PKN2: variants seen among roughly 807,000 people sequenced by gnomAD.
PKN2 encodes the protein serine/threonine-protein kinase N2.
Under a neutral mutation model 119.1 loss-of-function variants are expected in PKN2, and 38 were observed. The ratio of observed to expected loss-of-function variants is 0.32; its 90% CI spans 0.25 to 0.42. PKN2 has a LOEUF of 0.42. Ranked by LOEUF, PKN2 falls within the 10% of genes least tolerant of loss-of-function variation. PKN2 has a pLI of 1.00. For missense variants in PKN2, 850 were observed against 1,165.1 expected, an observed-to-expected ratio of 0.73 and a Z score of 3.94; for synonymous variants, 390 against 384.9, an observed-to-expected ratio of 1.01 and a Z score of -0.15.
At chr1:88,739,928 C>T (rs1232865043) in intron 1 of PKN2, among the ~76,000 whole-genome samples, 2 of 151,884 alleles carry the variant, frequency 1.3e-5, no homozygotes, top group East Asian at 1.9e-4. Flanking sequence ...AGTACTTAGC[C>T]TTGAAGTATA....
chr1:88,815,800 G>A (rs908366151), intron 16 of PKN2, among the ~76,000 whole-genome samples: 1 of 152,214 alleles, frequency 6.6e-6, no homozygotes, highest in Non-Finnish European at 1.5e-5. Flanking sequence ...AATAAAATAT[G>A]TATTTTAGAT....
intron 1 of PKN2, among the ~76,000 whole-genome samples, chr1:88,696,817 A>G (rs778173983): frequency 2.6e-5 from 4 of 152,128 alleles, no homozygotes; most frequent in South Asian, 2.1e-4. Flanking sequence ...AGAATAAAAT[A>G]TATTTATACT....
At chr1:88,701,949 T>C (rs1405708453) in intron 1 of PKN2, among the ~76,000 whole-genome samples, 1 of 151,960 alleles carries the variant, frequency 6.6e-6, no homozygotes. Context: ...GGAGTGGTCA[T>C]TTGTTTTGTT....
At chr1:88,730,288 G>A (rs1416068366) in intron 1 of PKN2, among the ~76,000 whole-genome samples, 1 of 152,078 alleles carries the variant, frequency 6.6e-6, no homozygotes, top group South Asian at 2.1e-4. Flanking sequence ...TAGGGCTTGT[G>A]TAGCAGTTCA....
intron 15 of PKN2, among the ~76,000 whole-genome samples, chr1:88,812,838 A>G (rs1671833060): frequency 1.3e-5 from 2 of 152,224 alleles, no homozygotes; most frequent in Admixed American, 1.3e-4. Context: ...TATTTTATCT[A>G]CATTTAGCCA....
At chr1:88,792,784 A>G (rs1221426274) in intron 8 of PKN2, among the ~76,000 whole-genome samples, 1 of 152,154 alleles carries the variant, frequency 6.6e-6, no homozygotes, top group East Asian at 1.9e-4. Flanking sequence ...AAACCTCAAT[A>G]TATAGGATAC....
Position 88,699,814 on chromosome 1 carries a change from G to A in PKN2, c.48+15186G>A, listed in dbSNP as rs528511439. ...TTTTTTATTTTTGAGATGGAGTCTC[G>A]CTCTGTAGTCGAGGCTAGAATGCAG... On this transcript the variant is annotated intron_variant, in intron 1 of 21. Transcript: ENST00000370521. Among the ~76,000 whole-genome samples the A allele has an allele frequency of 1.3e-4, 20 of 150,504 alleles. No individual in the cohort carries two copies. The East Asian group carries it at 2.9e-3, about 22-fold the overall frequency.
At chr1:88,819,265 C>T (rs1672145020) in intron 16 of PKN2, among the ~76,000 whole-genome samples, 1 of 152,016 alleles carries the variant, frequency 6.6e-6, no homozygotes, top group Non-Finnish European at 1.5e-5. Flanking sequence ...AAGATTTTTG[C>T]AATCTGTCCA....
chr1:88,742,712 AT>A (rs537311292), intron 2 of PKN2, among the ~76,000 whole-genome samples: 10,420 of 147,118 alleles, frequency 0.071, 745 homozygotes, highest in African/African-American at 0.19. Flanking sequence ...CAAACTCTAC[AT>A]TTTTTTTTTT....
At chr1:88,723,513 C>T (rs1667780473) in intron 1 of PKN2, among the ~76,000 whole-genome samples, 1 of 151,664 alleles carries the variant, frequency 6.6e-6, no homozygotes, top group Non-Finnish European at 1.5e-5. Context: ...CCTCACCATC[C>T]CAGGTTCAAG....
At chr1:88,750,517 T>C (rs1668944652) in intron 2 of PKN2, among the ~76,000 whole-genome samples, 1 of 152,176 alleles carries the variant, frequency 6.6e-6, no homozygotes, top group Non-Finnish European at 1.5e-5. Flanking sequence ...GGAAATCTTA[T>C]CCCTAAGGAA....
rs772485655 is a variant in PKN2 at position 88,811,523 on chromosome 1, TAGC to T, written c.2103-2031_2103-2029del. Among the ~76,000 whole-genome samples, 4 of 152,238 alleles carry T rather than the reference TAGC, an allele frequency of 2.6e-5. No homozygotes were observed. In the East Asian group the frequency reaches 7.7e-4, roughly 29 times the overall value. On this transcript the variant is annotated intron_variant, in intron 15 of 21. Coordinates refer to ENST00000370521, the MANE Select transcript of PKN2 (RefSeq NM_006256.4). ...AGGTTAAAATAAGCAATACAAACAATAGCAGTTCTTAGGAGGAAATCAGTGTAC... is the reference window on the plus strand; with the variant it reads ...AGGTTAAAATAAGCAATACAAACAATAGTTCTTAGGAGGAAATCAGTGTAC...
At chr1:88,815,351 T>TAA in intron 16 of PKN2, 1 of 246,820 alleles carries the variant, frequency 4.1e-6, no homozygotes, top group Non-Finnish European at 7.9e-6. Flanking sequence ...TCAAAGGTCA[T>TAA]TTCTTTAAAG....
Position 88,771,563 on chromosome 1 carries a change from A to G in PKN2, c.765A>G (p.Ser255=). 1 of 1,582,812 alleles carries G rather than the reference A, an allele frequency of 6.3e-7. No individual in the cohort carries two copies. Among genetic ancestry groups the G allele is most frequent in the East Asian group, 2.3e-5 (1 of 44,440 alleles). Residue 255 remains serine, a synonymous_variant, in exon 5 of 22, where the codon TCA becomes TCG. Transcript: ENST00000370521. ...AAGTAACAGACAGAAAAGCACTTTCAGAAGTAATTTTAAATAAAAATTTTT... is the reference window on the plus strand; with the variant it reads ...AAGTAACAGACAGAAAAGCACTTTCGGAAGTAATTTTAAATAAAAATTTTT... The part of the protein sequence containing the change: ...SGKVTDRKAL[S]EAQARFNESS...
At position 88,710,567 on chromosome 1, in the gene PKN2, A is replaced by G. The variant is rs562388380; in HGVS notation, c.48+25939A>G. Among the ~76,000 whole-genome samples the G allele has an allele frequency of 7.2e-5, 11 of 152,362 alleles. No homozygotes were observed. In the South Asian group the frequency reaches 2.3e-3, roughly 32 times the overall value. ...AGTTTTCTAAAGCTCAGCATCACTG[A>G]TCATTACAGAAATGCAAATCAAAAC... On this transcript the variant is annotated intron_variant, in intron 1 of 21. Transcript: ENST00000370521.
At position 88,804,497 on chromosome 1, in the gene PKN2, G is replaced by A; in HGVS notation, c.1388G>A (p.Cys463Tyr). ...TTAGACAACCAACGGCATGGCATGT[G>A]TCTCTATTTGGAACCACAGGGTACT... ...DFLDNQRHGM[C>Y]LYLEPQGTLF... Residue 463 changes from cysteine (C) to tyrosine (Y), a missense_variant, in exon 9 of 22, where the codon TGT (cysteine) becomes TAT (tyrosine). By Grantham distance (194) the Cys-to-Tyr change is radical (BLOSUM62 -2). Around this residue, in one of 9 missense-constraint regions of PKN2, gnomAD observed 350 missense variants for 511.1 expected, o/e 0.68. Transcript: ENST00000370521. The A allele has an allele frequency of 6.2e-7, 1 of 1,613,572 alleles. No homozygotes were observed. The highest frequency in any genetic ancestry group is 8.5e-7 in the Non-Finnish European group (1 of 1,179,714).
intron 8 of PKN2, among the ~76,000 whole-genome samples, chr1:88,788,347 G>A (rs1570631355): frequency 1.3e-5 from 2 of 152,032 alleles, no homozygotes; most frequent in South Asian, 2.1e-4. Context: ...TAGAAAAAAC[G>A]TTTTTAAATT....
In PKN2 at chr1:88,684,607, G is replaced by A. The variant is rs372711172; in HGVS notation, c.27G>A (p.Glu9=). 17 of 1,564,460 alleles carry A rather than the reference G, an allele frequency of 1.1e-5. No homozygotes were observed. Among genetic ancestry groups the A allele is most frequent in the Non-Finnish European group, 1.5e-5 (17 of 1,155,892 alleles). MASNPERG[E]ILLTELQGDS... is the part of the protein sequence containing the mutation. ...TGGCGTCCAACCCCGAACGGGGGGA[G>A]ATTCTGCTCACGGAACTGCAGGTAA... is the stretch of plus-strand genomic sequence containing the variant. The change falls in exon 1 of 22, where the codon GAG becomes GAA. Residue 9 remains glutamate, a synonymous_variant. Transcript: ENST00000370521.
chr1:88,775,668 ACT>A (rs2100810833), intron 6 of PKN2, among the ~76,000 whole-genome samples: 1 of 151,824 alleles, frequency 6.6e-6, no homozygotes, highest in African/African-American at 2.4e-5. Flanking sequence ...CCTACAAAAA[ACT>A]CTTTGACTGT....
Sources: gnomAD v4.1 joint callset for allele counts (sites outside exome capture counted in the v4.1 genomes callset) on GRCh38, gnomAD v4.1.1 for gene constraint, gnomAD v4.1.1 regional missense constraint, MANE v1.5 for transcripts, NCBI Gene and HGNC (gene_info 2026-07-23, HGNC 2026-07-21) for gene names.